Variants in LRP1B observed in about 807,000 individuals in gnomAD.
LRP1B encodes the protein low-density lipoprotein receptor-related protein 1B.
A neutral mutation model predicts 556.6 loss-of-function variants in LRP1B; 217 were observed. The observed-to-expected ratio is 0.39, with a 90% CI of 0.35 to 0.44. The LOEUF is 0.44. Among genes scored for constraint, LRP1B ranks in the 20% least tolerant of loss-of-function variants. The probability of loss-of-function intolerance (pLI) is 1.00; values close to 1 mark genes in which losing one functional copy is unlikely to be tolerated. For synonymous variants in LRP1B, 2,047 were observed against 1,865.8 expected (o/e 1.10, Z -2.50); for missense variants, 5,053 against 5,620.8 (o/e 0.90, Z 3.23).
At chr2:140,922,849 C>T (rs771390186) in intron 21 of LRP1B, 116 bp downstream of exon 21, 2 of 820,052 alleles carry the variant, frequency 2.4e-6, no homozygotes, top group South Asian at 1.9e-5. Flanking sequence ...TACATGAGCA[C>T]ATCTGCCAAA....
At chr2:140,410,953 G>A (rs1171987247) in intron 66 of LRP1B, among the ~76,000 whole-genome samples, 1 of 152,094 alleles carries the variant, frequency 6.6e-6, no homozygotes, top group African/African-American at 2.4e-5. Context: ...ATTACTGAAT[G>A]GGTGCCGGGG....
chr2:141,031,521 A>T (rs1698370678), intron 11 of LRP1B, among the ~76,000 whole-genome samples: 1 of 151,948 alleles, frequency 6.6e-6, no homozygotes, highest in Non-Finnish European at 1.5e-5. Context: ...TCTTCTGGGT[A>T]GTTTCAAATC....
chr2:140,383,948 A>G (rs527749691), intron 67 of LRP1B, among the ~76,000 whole-genome samples: 1 of 152,314 alleles, frequency 6.6e-6, no homozygotes, highest in African/African-American at 2.4e-5. Context: ...CACAGTGACA[A>G]GTGAGAGTCA....
At chr2:141,059,994 T>G (rs889947292) in intron 8 of LRP1B, among the ~76,000 whole-genome samples, 1 of 151,826 alleles carries the variant, frequency 6.6e-6, no homozygotes, top group Non-Finnish European at 1.5e-5. Context: ...CGGCATTATA[T>G]TGCACACTTT....
At chr2:141,172,385 C>T (rs1193620932) in intron 7 of LRP1B, among the ~76,000 whole-genome samples, 1 of 152,032 alleles carries the variant, frequency 6.6e-6, no homozygotes. Context: ...AGACCACTTT[C>T]CAGAAAATGC....
intron 77 of LRP1B, among the ~76,000 whole-genome samples, chr2:140,350,081 A>G (rs759640865): frequency 6.6e-5 from 10 of 152,092 alleles, no homozygotes; most frequent in Non-Finnish European, 1.3e-4. Flanking sequence ...TTGGTTGTAC[A>G]GGAATGGGCC....
intron 2 of LRP1B, among the ~76,000 whole-genome samples, chr2:141,576,963 T>C (rs1346656097): frequency 1.3e-5 from 2 of 151,868 alleles, no homozygotes; most frequent in Non-Finnish European, 2.9e-5. Flanking sequence ...CAGCCAATCC[T>C]CAGTTATTTT....
intron 21 of LRP1B, among the ~76,000 whole-genome samples, chr2:140,909,642 G>A (rs1694357910): frequency 6.6e-6 from 1 of 150,628 alleles, no homozygotes; most frequent in East Asian, 2.0e-4. Flanking sequence ...AGGACAATTA[G>A]GTAATAGAAA....
In LRP1B at chr2:141,480,381, C is replaced by T. The variant is rs772086125; in HGVS notation, c.343+15G>A. 1 of 1,613,492 alleles carries T rather than the reference C, an allele frequency of 6.2e-7. No homozygotes were observed. Among genetic ancestry groups the T allele is most frequent in the East Asian group, 2.2e-5 (1 of 44,816 alleles). On this transcript the variant is annotated intron_variant, in intron 3 of 90. Coordinates refer to ENST00000389484, the MANE Select transcript of LRP1B (RefSeq NM_018557.3). ...ATTTAATATTTCAGTTGCATTGTTC[C>T]ACAAATGGACTCACCCTGACAATGT... is the stretch of plus-strand genomic sequence containing the variant.
At position 140,913,588 on chromosome 2, in the gene LRP1B, A is replaced by G. The variant is rs573953905; in HGVS notation, c.3320-5511T>C. On this transcript the variant is annotated intron_variant, in intron 21 of 90. Transcript: ENST00000389484. ...AAAAAGCAAGTAAATGGAACAGGTG[A>G]AAGAAATAAAAATTTAATAGCATAG... 1.3e-3 allele frequency among the ~76,000 whole-genome samples: 199 copies of G among 152,186 alleles called. 2 individuals carry two copies. The highest frequency in any genetic ancestry group is 2.1e-3 in the South Asian group (10 of 4,828).
At chr2:141,020,164 A>T (rs2105397526) in intron 11 of LRP1B, 62 bp from the exon 12 acceptor site, 1 of 1,071,700 alleles carries the variant, frequency 9.3e-7, no homozygotes. Flanking sequence ...ATTAGTGTTC[A>T]CTACTAATAG....
At chr2:141,003,075 G>A (rs1697471627) in intron 15 of LRP1B, among the ~76,000 whole-genome samples, 1 of 151,856 alleles carries the variant, frequency 6.6e-6, no homozygotes, top group Non-Finnish European at 1.5e-5. Context: ...ATGTAACAAT[G>A]TCCAATTGTT....
At chr2:140,301,514 T>C (rs952228769) in intron 83 of LRP1B, among the ~76,000 whole-genome samples, 1 of 152,160 alleles carries the variant, frequency 6.6e-6, no homozygotes, top group African/African-American at 2.4e-5. Flanking sequence ...CTGCTCTCAA[T>C]TTGATGAATG....
chr2:142,083,771 GC>G (rs1377421210), intron 1 of LRP1B, among the ~76,000 whole-genome samples: 1 of 152,056 alleles, frequency 6.6e-6, no homozygotes, highest in East Asian at 1.9e-4. Flanking sequence ...ATTAAATGGA[GC>G]AAAAAATCTT....
intron 31 of LRP1B, among the ~76,000 whole-genome samples, chr2:140,832,450 C>A (rs1691749745): frequency 6.6e-6 from 1 of 152,134 alleles, no homozygotes. Flanking sequence ...TAAAGAGATA[C>A]CTGCACTAGC....
chr2:142,125,646 A>G (rs888887983), intron 1 of LRP1B, among the ~76,000 whole-genome samples: 15 of 151,850 alleles, frequency 9.9e-5, no homozygotes, highest in African/African-American at 3.1e-4. Context: ...CCCAAGGCCT[A>G]TAGACTATAC....
chr2:141,029,972 A>G lies in LRP1B; in HGVS notation c.1790-9870T>C, dbSNP rs568446861. Among the ~76,000 whole-genome samples the G allele has an allele frequency of 2.6e-5, 4 of 152,264 alleles. No individual in the cohort carries two copies. The South Asian group carries it at 8.3e-4, about 32-fold the overall frequency. ...GTTGAACCCAAAATAATTCTAGATA[A>G]TATCAAATGTCCCATGGAAGACAAA... On this transcript the variant is annotated intron_variant, in intron 11 of 90. Transcript: ENST00000389484.
intron 16 of LRP1B, among the ~76,000 whole-genome samples, chr2:140,990,948 G>C (rs12052741): frequency 0.33 from 49,386 of 151,950 alleles, 8,526 homozygotes; most frequent in East Asian, 0.57. Context: ...TGCATTTCCA[G>C]TTAGTTTCTA....
chr2:140,776,086 A>C lies in LRP1B; in HGVS notation c.5500+12T>G. ...ATTCAAGACCTGGCACAAATTCATT[A>C]GTGTGATTTACCTTGCTGTGCTTCT... is the stretch of plus-strand genomic sequence containing the variant. On this transcript the variant is annotated intron_variant, in intron 33 of 90. Coordinates refer to ENST00000389484, the MANE Select transcript of LRP1B (RefSeq NM_018557.3). The C allele has an allele frequency of 8.4e-6, 13 of 1,544,766 alleles. No homozygotes were observed. Among genetic ancestry groups the C allele is most frequent in the Non-Finnish European group, 1.1e-5 (13 of 1,149,216 alleles).
Sources: allele counts gnomAD v4.1 joint callset (sites outside exome capture counted in the v4.1 genomes callset), GRCh38; gene constraint gnomAD v4.1.1; transcripts MANE v1.5; gene names NCBI Gene and HGNC (gene_info 2026-07-23, HGNC 2026-07-21).